Variants in NAE1 observed in about 807,000 individuals in gnomAD.
NAE1 encodes NEDD8-activating enzyme E1 regulatory subunit.
NAE1 carries 59 observed loss-of-function variants against 88.0 expected under a neutral mutation model. The ratio of observed to expected loss-of-function variants is 0.67; its 90% CI spans 0.54 to 0.83. The LOEUF (loss-of-function observed/expected upper bound fraction) is 0.83. Ranked by LOEUF, NAE1 falls within the 40% of genes least tolerant of loss-of-function variation. The pLI, the probability that NAE1 is intolerant of heterozygous loss-of-function variation, is 0.00. For missense variants in NAE1, 554 were observed against 632.8 expected (o/e 0.88, Z 1.34); for synonymous variants, 186 against 208.9 (o/e 0.89, Z 0.95).
intron 13 of NAE1, among the ~76,000 whole-genome samples, chr16:66,812,299 C>T (rs984268039): frequency 6.6e-6 from 1 of 151,768 alleles, no homozygotes. Flanking sequence ...AAAATGGGGC[C>T]GGTAACAGTC....
At chr16:66,817,599 A>G (rs886609999) in intron 8 of NAE1, 112 bp from the exon 9 acceptor site, 45 of 714,716 alleles carry the variant, frequency 6.3e-5, no homozygotes, top group Non-Finnish European at 9.6e-5. Flanking sequence ...TATGCAGAGT[A>G]GTGAATAGAC....
intron 1 of NAE1, among the ~76,000 whole-genome samples, chr16:66,829,456 G>A (rs1409563465): frequency 2.6e-5 from 4 of 152,146 alleles, no homozygotes; most frequent in Non-Finnish European, 5.9e-5. Flanking sequence ...GGGAACTCTG[G>A]GCAAATTACC....
At chr16:66,828,320 G>A (rs768086006) in intron 1 of NAE1, among the ~76,000 whole-genome samples, 10 of 151,748 alleles carry the variant, frequency 6.6e-5, no homozygotes, top group South Asian at 2.1e-4. Context: ...GTGAAACCCC[G>A]TCTCTACTAA....
intron 1 of NAE1, 110 bp from the exon 2 acceptor site, chr16:66,826,890 C>T: frequency 1.1e-6 from 1 of 952,014 alleles, no homozygotes; most frequent in Non-Finnish European, 1.6e-6. Context: ...ATGATAACCA[C>T]AGAATACAGG....
intron 13 of NAE1, among the ~76,000 whole-genome samples, chr16:66,812,199 TTTCCTGGGG>T (rs1449163644): frequency 6.6e-6 from 1 of 152,116 alleles, no homozygotes; most frequent in Admixed American, 6.5e-5. Context: ...TGGTACTGGG[TTTCCTGGGG>T]TTCAAATCTT....
chr16:66,816,697 A>G, intron 10 of NAE1, 25 bp from the exon 11 acceptor site: 1 of 1,531,618 alleles, frequency 6.5e-7, no homozygotes. Flanking sequence ...AATTGTTAGC[A>G]AACAGCCCTT....
chr16:66,808,331 T>C (rs1959654969), intron 17 of NAE1, among the ~76,000 whole-genome samples, 190 bp downstream of exon 17: 1 of 152,218 alleles, frequency 6.6e-6, no homozygotes, highest in Non-Finnish European at 1.5e-5. Context: ...TAGTTTAGAA[T>C]CGAACACTAT....
chr16:66,805,174 G>C (rs1959513709), intron 19 of NAE1, among the ~76,000 whole-genome samples: 1 of 152,142 alleles, frequency 6.6e-6, no homozygotes, highest in Non-Finnish European at 1.5e-5. Context: ...CATCCTGGGG[G>C]GAAAGCAAGT....
intron 13 of NAE1, among the ~76,000 whole-genome samples, chr16:66,811,209 G>T (rs1332793595): frequency 1.3e-5 from 2 of 152,102 alleles, no homozygotes; most frequent in African/African-American, 4.8e-5. Flanking sequence ...CCAGGCTGGA[G>T]TACAGTGGCG....
At chr16:66,825,491 C>T (rs1056986222) in intron 3 of NAE1, among the ~76,000 whole-genome samples, 2 of 151,886 alleles carry the variant, frequency 1.3e-5, no homozygotes, top group African/African-American at 4.8e-5. Flanking sequence ...TACTATATTT[C>T]CCTCTTGGAA....
chr16:66,829,169 A>G (rs1170823086), intron 1 of NAE1, among the ~76,000 whole-genome samples: 1 of 152,184 alleles, frequency 6.6e-6, no homozygotes, highest in Non-Finnish European at 1.5e-5. Flanking sequence ...ACCAGTTCTC[A>G]CTATGAAAGT....
At position 66,810,697 on chromosome 16, in the gene NAE1, C is replaced by G. The variant is rs778149341; in HGVS notation, c.1110G>C (p.Gln370His). The change falls in exon 14 of 20, where the codon CAG (glutamine) becomes CAC (histidine). Residue 370 changes from glutamine (Q) to histidine (H), a missense_variant and splice_region_variant. Physicochemically the swap from Gln to His is conservative, Grantham distance 24. Coordinates refer to ENST00000290810, the MANE Select transcript of NAE1 (RefSeq NM_003905.4). ...GGGCACAGTGTGCCCAGTAGCTTAC[C>G]TGGCCAATGGACTGCAGCAATTTGG... ...HVAKLLQSIGQAPESISEKEL... is the reference protein window; with the variant it reads ...HVAKLLQSIGHAPESISEKEL... The G allele has an allele frequency of 1.1e-5, 18 of 1,613,910 alleles. No individual in the cohort carries two copies. Among genetic ancestry groups the G allele is most frequent in the Admixed American group, 3.3e-5 (2 of 60,026 alleles).
chr16:66,803,041 T>A lies in NAE1; in HGVS notation c.1573A>T (p.Met525Leu). ...IFNNTYIYSG[M>L]SQTSATFQL ...TGGAAAGTTGCTGAAGTTTGTGACA[T>A]GCCACTGTAAATGTAAGTATTATTA... Residue 525 changes from methionine (M) to leucine (L), a missense_variant, in exon 20 of 20, where the codon ATG (methionine) becomes TTG (leucine). Physicochemically the swap from Met to Leu is conservative, Grantham distance 15 (BLOSUM62 2). Coordinates refer to ENST00000290810, the MANE Select transcript of NAE1 (RefSeq NM_003905.4). 1 of 1,611,756 alleles carries A rather than the reference T, an allele frequency of 6.2e-7. No homozygotes were observed. Among genetic ancestry groups the A allele is most frequent in the South Asian group, 1.1e-5 (1 of 91,036 alleles).
intron 7 of NAE1, among the ~76,000 whole-genome samples, chr16:66,821,174 T>G (rs1960242313): frequency 6.6e-6 from 1 of 152,172 alleles, no homozygotes; most frequent in African/African-American, 2.4e-5. Context: ...CAATGTGGGT[T>G]AGGGGGCAAA....
At chr16:66,816,863 T>C in intron 10 of NAE1, 102 bp downstream of exon 10, 1 of 1,511,294 alleles carries the variant, frequency 6.6e-7, no homozygotes, top group Non-Finnish European at 8.8e-7. Context: ...AAGCTCATGA[T>C]GCTATCATCT....
At chr16:66,830,130 G>A (rs1960634644) in intron 1 of NAE1, among the ~76,000 whole-genome samples, 1 of 152,078 alleles carries the variant, frequency 6.6e-6, no homozygotes, top group Non-Finnish European at 1.5e-5. Context: ...CAGGTGATCC[G>A]CCCGCTTCGG....
chr16:66,824,006 A>C (rs191939346), intron 4 of NAE1, among the ~76,000 whole-genome samples: 1 of 152,222 alleles, frequency 6.6e-6, no homozygotes, highest in Admixed American at 6.5e-5. Flanking sequence ...CAAAGTGCTG[A>C]GATTACAGGC....
chr16:66,816,822 T>TGGC (rs1960061250), intron 10 of NAE1, 143 bp downstream of exon 10: 1 of 1,370,744 alleles, frequency 7.3e-7, no homozygotes, highest in South Asian at 1.5e-5. Flanking sequence ...ATACAAGGCG[T>TGGC]GGCTTCTTAA....
At chr16:66,810,921 A>G (rs1959770849) in intron 13 of NAE1, 149 bp from the exon 14 acceptor site, 2 of 672,044 alleles carry the variant, frequency 3.0e-6, no homozygotes, top group Non-Finnish European at 2.6e-6. Context: ...AATGCTATCA[A>G]CAGCACCATG....
Sources: gnomAD v4.1 joint callset for allele counts (sites outside exome capture counted in the v4.1 genomes callset) on GRCh38, gnomAD v4.1.1 for gene constraint, MANE v1.5 for transcripts, NCBI Gene and HGNC (gene_info 2026-07-23, HGNC 2026-07-21) for gene names.